Variants in IMMP2L observed in about 807,000 individuals in gnomAD.
IMMP2L encodes mitochondrial inner membrane protease subunit 2.
A neutral mutation model predicts 19.3 loss-of-function variants in IMMP2L; 18 were observed. The observed-to-expected ratio is 0.93, with a 90% CI of 0.64 to 1.38. The LOEUF (loss-of-function observed/expected upper bound fraction) is 1.38, where lower values mean the gene tolerates loss of function less well. Ranked by LOEUF, IMMP2L falls within the 40% of genes most tolerant of loss-of-function variation. The pLI is 0.00. For synonymous variants in IMMP2L, 76 were observed against 73.0 expected, an observed-to-expected ratio of 1.04 and a Z score of -0.21; for missense variants, 233 against 218.2, an observed-to-expected ratio of 1.07 and a Z score of -0.43.
At chr7:110,891,891 C>T (rs1306320212) in intron 4 of IMMP2L, among the ~76,000 whole-genome samples, 1 of 152,032 alleles carries the variant, frequency 6.6e-6, no homozygotes, top group African/African-American at 2.4e-5. Flanking sequence ...AATGTAACAT[C>T]TGTGTAATCA....
rs202191205 is a variant in IMMP2L at position 111,487,305 on chromosome 7, C to T, written c.172G>A (p.Val58Met). 15 of 1,609,980 alleles carry T rather than the reference C, an allele frequency of 9.3e-6. No homozygotes were observed. In the Admixed American group the frequency reaches 2.3e-4, roughly 25 times the overall value. ...LNPGGSQSSD[V>M]VLLNHWKVRN... is the part of the protein sequence containing the mutation. ...ACTTTCCAGTGGTTCAAAAGCACCA[C>T]ATCAGATGACTGGCTCCCCCCAGGA... Residue 58 changes from valine to methionine, a missense_variant, in exon 3 of 6, where the codon GTG becomes ATG. Physicochemically the swap from Val to Met is conservative, Grantham distance 21. Coordinates refer to ENST00000405709, the MANE Select transcript of IMMP2L (RefSeq NM_032549.4).
At chr7:111,333,032 C>T (rs911195977) in intron 3 of IMMP2L, among the ~76,000 whole-genome samples, 5 of 152,084 alleles carry the variant, frequency 3.3e-5, no homozygotes, top group Admixed American at 6.6e-5. Flanking sequence ...ACTACAACAG[C>T]CCAATCCAGT....
At chr7:110,812,371 C>T (rs1454509652) in intron 5 of IMMP2L, among the ~76,000 whole-genome samples, 2 of 152,028 alleles carry the variant, frequency 1.3e-5, no homozygotes, top group African/African-American at 4.8e-5. Flanking sequence ...TTTGGCACCT[C>T]AGGAGTGACA....
At chr7:110,955,138 C>A (rs966609408) in intron 4 of IMMP2L, among the ~76,000 whole-genome samples, 2 of 151,906 alleles carry the variant, frequency 1.3e-5, no homozygotes, top group Non-Finnish European at 2.9e-5. Context: ...AGGTGACTAT[C>A]TCTCTGGTGA....
intron 3 of IMMP2L, among the ~76,000 whole-genome samples, chr7:111,367,453 A>G (rs1478336002): frequency 4.0e-5 from 6 of 150,504 alleles, no homozygotes; most frequent in Non-Finnish European, 8.9e-5. Context: ...TCAATTTGGT[A>G]GTACTTGTTT....
intron 3 of IMMP2L, among the ~76,000 whole-genome samples, chr7:111,332,903 T>C (rs1013932209): frequency 2.6e-5 from 4 of 152,090 alleles, no homozygotes; most frequent in South Asian, 2.1e-4. Context: ...GTCAACTTGA[T>C]TGGATTAAAT....
intron 1 of IMMP2L, among the ~76,000 whole-genome samples, chr7:111,545,496 T>C (rs1381040407): frequency 6.6e-6 from 1 of 152,106 alleles, no homozygotes; most frequent in Non-Finnish European, 1.5e-5. Context: ...GTTCAAGCAA[T>C]TCTCCTGCCT....
chr7:110,799,367 T>C (rs757493121), intron 5 of IMMP2L, among the ~76,000 whole-genome samples: 1 of 152,042 alleles, frequency 6.6e-6, no homozygotes, highest in East Asian at 1.9e-4. Flanking sequence ...AAAAATTAAA[T>C]GAATGATGTG....
intron 3 of IMMP2L, among the ~76,000 whole-genome samples, chr7:111,291,275 T>TGCA (rs1167338422): frequency 2.0e-5 from 3 of 152,170 alleles, no homozygotes; most frequent in Non-Finnish European, 1.5e-5. Flanking sequence ...GACCAGTGGT[T>TGCA]GCAGCAGCAG....
chr7:110,857,648 A>C (rs1806933954), intron 5 of IMMP2L, among the ~76,000 whole-genome samples: 1 of 152,092 alleles, frequency 6.6e-6, no homozygotes, highest in Non-Finnish European at 1.5e-5. Flanking sequence ...GAACTTTATT[A>C]GTCTTATGAG....
chr7:111,353,222 A>C (rs2130907227), intron 3 of IMMP2L, among the ~76,000 whole-genome samples: 1 of 152,282 alleles, frequency 6.6e-6, no homozygotes, highest in Non-Finnish European at 1.5e-5. Flanking sequence ...AGTGAAGCAC[A>C]AATCTCCAAT....
intron 5 of IMMP2L, among the ~76,000 whole-genome samples, chr7:110,716,800 T>C (rs1584594506): frequency 6.6e-6 from 1 of 152,294 alleles, no homozygotes; most frequent in East Asian, 1.9e-4. Flanking sequence ...GGATAAAGGA[T>C]ATATAATCTG....
intron 3 of IMMP2L, among the ~76,000 whole-genome samples, chr7:111,037,637 T>C (rs1329619144): frequency 6.6e-6 from 1 of 152,166 alleles, no homozygotes; most frequent in East Asian, 1.9e-4. Flanking sequence ...ATAAATTCAG[T>C]TGTCTTTGCT....
intron 3 of IMMP2L, among the ~76,000 whole-genome samples, chr7:111,109,146 A>C (rs1798886845): frequency 6.6e-6 from 1 of 152,214 alleles, no homozygotes; most frequent in African/African-American, 2.4e-5. Flanking sequence ...ATCAAGAAGA[A>C]TTAAAGACCA....
chr7:110,803,816 C>A lies in IMMP2L; in HGVS notation c.408+82777G>T, dbSNP rs1801423899. Among the ~76,000 whole-genome samples the A allele has an allele frequency of 6.6e-6, 1 of 152,046 alleles. No homozygotes were observed. The highest frequency in any genetic ancestry group is 1.5e-5 in the Non-Finnish European group (1 of 67,984). ...TAGTTTTCAAAGTATGGTCCTGGAA[C>A]CATCAGTATCTCAACACTTGGGGAC... On this transcript the variant is annotated intron_variant, in intron 5 of 5. Coordinates refer to ENST00000405709, the MANE Select transcript of IMMP2L (RefSeq NM_032549.4). This position sits in a 1 kb window ranked among gnomAD's most constrained non-coding sequence, Gnocchi z 4.2.
At chr7:111,075,258 C>T (rs1795301800) in intron 3 of IMMP2L, among the ~76,000 whole-genome samples, 1 of 151,604 alleles carries the variant, frequency 6.6e-6, no homozygotes, top group Non-Finnish European at 1.5e-5. Flanking sequence ...TCCTGAGTAG[C>T]TGGGACCACA....
chr7:110,806,243 T>G (rs1801626414), intron 5 of IMMP2L, among the ~76,000 whole-genome samples: 1 of 143,360 alleles, frequency 7.0e-6, no homozygotes, highest in Admixed American at 7.2e-5. Context: ...TGGTTCATGT[T>G]CTGGCTCTGA....
At chr7:110,905,830 C>T (rs1404281511) in intron 4 of IMMP2L, among the ~76,000 whole-genome samples, 2 of 152,128 alleles carry the variant, frequency 1.3e-5, no homozygotes, top group Non-Finnish European at 2.9e-5. Flanking sequence ...TTATCATACT[C>T]TCACTTCTTA....
chr7:110,750,084 T>C (rs570153436), intron 5 of IMMP2L, among the ~76,000 whole-genome samples: 14 of 152,190 alleles, frequency 9.2e-5, no homozygotes, highest in African/African-American at 3.4e-4. Flanking sequence ...ATTACCTGGT[T>C]TAAGTTTCCA....
Sources: allele counts gnomAD v4.1 joint callset (sites outside exome capture counted in the v4.1 genomes callset), GRCh38; gene constraint gnomAD v4.1.1; non-coding constraint Gnocchi (gnomAD v3.1); transcripts MANE v1.5; gene names NCBI Gene and HGNC (gene_info 2026-07-23, HGNC 2026-07-21).